Variants in MARK4 observed in about 807,000 individuals in gnomAD.
MARK4 encodes microtubule affinity regulating kinase 4.
In MARK4, 19 loss-of-function variants were observed where a neutral mutation model predicts 81.5. That is an observed-to-expected ratio of 0.23 (90% CI 0.16 to 0.34). The LOEUF (loss-of-function observed/expected upper bound fraction) is 0.34. Ranked by LOEUF, MARK4 falls within the 10% of genes least tolerant of loss-of-function variation. The pLI, the probability that MARK4 is intolerant of heterozygous loss-of-function variation, is 1.00. For missense variants in MARK4, 772 were observed against 1,058.8 expected (o/e 0.73, Z 3.76); for synonymous variants, 436 against 439.0 (o/e 0.99, Z 0.08).
chr19:45,270,701 G>A (rs572979422), intron 7 of MARK4, among the ~76,000 whole-genome samples: 3 of 152,150 alleles, frequency 2.0e-5, no homozygotes, highest in Non-Finnish European at 4.4e-5. Flanking sequence ...CCAGGTTCAA[G>A]CAATTTTTGT....
intron 7 of MARK4, among the ~76,000 whole-genome samples, chr19:45,266,613 C>T (rs1246290224): frequency 2.0e-5 from 3 of 151,924 alleles, no homozygotes; most frequent in Non-Finnish European, 4.4e-5. Flanking sequence ...GCTCTCAGAG[C>T]CTTTGGGACC....
In MARK4 at chr19:45,297,819, G is replaced by C; in HGVS notation, c.1742G>C (p.Gly581Ala). 6.5e-7 allele frequency: 1 copy of C among 1,540,208 alleles called. No individual in the cohort carries two copies. Among genetic ancestry groups the C allele is most frequent in the Non-Finnish European group, 8.8e-7 (1 of 1,141,232 alleles). The change falls in exon 15 of 17, where the codon GGT (glycine) becomes GCT (alanine). Residue 581 changes from glycine to alanine, a missense_variant. Gly to Ala is a moderately conservative substitution (Grantham distance 60). This residue lies in a region of MARK4 where 548 missense variants were observed against 624.3 expected (regional missense o/e 0.88). Coordinates refer to ENST00000262891, the MANE Select transcript of MARK4 (RefSeq NM_001199867.2). Reference protein sequence around the residue: ...GGQVRDRRAGGGGGGGVQNGP... With the variant: ...GGQVRDRRAGAGGGGGVQNGP... ...CAGGTCCGGGACCGGCGGGCAGGGG[G>C]TGGGGGTGGTGGGGGTGTGCAGAAT...
chr19:45,297,896 G>A lies in MARK4; in HGVS notation c.1819G>A (p.Gly607Arg), dbSNP rs376422468. The A allele has an allele frequency of 1.3e-5, 20 of 1,549,780 alleles. No homozygotes were observed. The highest frequency in any genetic ancestry group is 4.8e-5 in the South Asian group (4 of 84,040). ...CCATGAGGCTGCACCCCTGCCCGCC[G>A]GGCGGCCCCGCCCCACCACCAACCT... ...LAHEAAPLPA[G>R]RPRPTTNLFT... The change falls in exon 15 of 17, where the codon GGG (glycine) becomes AGG (arginine). Residue 607 changes from glycine (G) to arginine (R), a missense_variant. Transcript: ENST00000262891.
chr19:45,299,637 A>G (rs1970940516), intron 15 of MARK4, among the ~76,000 whole-genome samples, 174 bp from the exon 16 acceptor site: 1 of 152,108 alleles, frequency 6.6e-6, no homozygotes, highest in African/African-American at 2.4e-5. Context: ...ACCATTTCAG[A>G]ATGAGCCCCG....
intron 12 of MARK4, among the ~76,000 whole-genome samples, chr19:45,281,979 C>G (rs1016974231): frequency 6.6e-6 from 1 of 151,984 alleles, no homozygotes; most frequent in African/African-American, 2.4e-5. Context: ...TCTGTAATCC[C>G]TTGGGAGGCC....
Position 45,302,702 on chromosome 19 carries a change from G to A in MARK4, c.2251G>A (p.Glu751Lys), listed in dbSNP as rs530446825. 8 of 1,536,280 alleles carry A rather than the reference G, an allele frequency of 5.2e-6. No individual in the cohort carries two copies. The highest frequency in any genetic ancestry group is 4.9e-5 in the East Asian group (2 of 40,910). Reference protein sequence around the residue: ...TLVTRISNDLEL With the variant: ...TLVTRISNDLKL Reference sequence around the variant, plus strand: ...CGTCACCCGCATCTCCAACGACCTCGAGCTCTGAGCCACCACGGTCCCAGG... The same window carrying A: ...CGTCACCCGCATCTCCAACGACCTCAAGCTCTGAGCCACCACGGTCCCAGG... Residue 751 changes from glutamate to lysine, a missense_variant, in exon 17 of 17, where the codon GAG (glutamate) becomes AAG (lysine). This residue lies in a region of MARK4 where 548 missense variants were observed against 624.3 expected (regional missense o/e 0.88). Transcript: ENST00000262891. This position sits in a 1 kb window ranked among gnomAD's most constrained non-coding sequence, Gnocchi z 4.9.
intron 12 of MARK4, among the ~76,000 whole-genome samples, chr19:45,286,088 G>A (rs993549087): frequency 4.6e-5 from 7 of 152,022 alleles, no homozygotes; most frequent in African/African-American, 1.2e-4. Context: ...ACGGAGTCTC[G>A]CACTGTTGCC....
intron 8 of MARK4, among the ~76,000 whole-genome samples, chr19:45,277,007 C>T (rs1000775506): frequency 4.6e-5 from 7 of 152,038 alleles, no homozygotes; most frequent in South Asian, 2.1e-4. Context: ...ATCCCTTTCA[C>T]GGATAAGGAG....
intron 12 of MARK4, among the ~76,000 whole-genome samples, chr19:45,282,267 C>T (rs559200701): frequency 6.6e-6 from 1 of 151,588 alleles, no homozygotes; most frequent in African/African-American, 2.4e-5. Flanking sequence ...ACCATCAGCA[C>T]CCATTAGGCA....
intron 12 of MARK4, among the ~76,000 whole-genome samples, chr19:45,286,080 G>A (rs1176439211): frequency 5.9e-5 from 9 of 151,912 alleles, no homozygotes; most frequent in Non-Finnish European, 1.2e-4. Flanking sequence ...GTTTTTTGAC[G>A]GAGTCTCGCA....
intron 4 of MARK4, 27 bp downstream of exon 4, chr19:45,263,394 G>A: frequency 6.2e-7 from 1 of 1,614,034 alleles, no homozygotes; most frequent in South Asian, 1.1e-5. Context: ...AGCAGGGGCA[G>A]GCCACCAACT....
intron 12 of MARK4, among the ~76,000 whole-genome samples, chr19:45,284,223 G>T (rs1970713537): frequency 6.6e-6 from 1 of 151,896 alleles, no homozygotes. Flanking sequence ...GGCCTGGCTG[G>T]TCTTGAATTC....
intron 12 of MARK4, among the ~76,000 whole-genome samples, chr19:45,281,214 C>T (rs892447575): frequency 3.3e-5 from 5 of 151,226 alleles, no homozygotes; most frequent in East Asian, 2.0e-4. Context: ...CATAACCCCC[C>T]GGCTAATTTT....
At chr19:45,269,479 C>A (rs1459330196) in intron 7 of MARK4, among the ~76,000 whole-genome samples, 1 of 152,062 alleles carries the variant, frequency 6.6e-6, no homozygotes, top group Non-Finnish European at 1.5e-5. Context: ...GGGTTTGGGC[C>A]TTTATTGGGG....
At chr19:45,273,305 T>A (rs1970555242) in intron 8 of MARK4, among the ~76,000 whole-genome samples, 1 of 152,202 alleles carries the variant, frequency 6.6e-6, no homozygotes, top group African/African-American at 2.4e-5. Context: ...GCTGCCCTCA[T>A]CGGCATTGAT....
chr19:45,294,411 G>T lies in MARK4; in HGVS notation c.1557G>T (p.Gly519=). The change falls in exon 14 of 17, where the codon GGG becomes GGT. Residue 519 remains glycine, a synonymous_variant. Transcript: ENST00000262891. ...RNTYVCTERP[G]AERPSLLPNG... ...CCTACGTTTGCACAGAACGCCCGGG[G>T]GCTGAGCGCCCGTCACTGTTGCCAA... 6.2e-7 allele frequency: 1 copy of T among 1,614,132 alleles called. No homozygotes were observed.
At chr19:45,275,787 T>C (rs1235829130) in intron 8 of MARK4, among the ~76,000 whole-genome samples, 2 of 152,230 alleles carry the variant, frequency 1.3e-5, no homozygotes, top group Non-Finnish European at 2.9e-5. Flanking sequence ...TTCGCGGCGT[T>C]GTGAAAATGG....
intron 8 of MARK4, among the ~76,000 whole-genome samples, chr19:45,272,992 T>A (rs974603236): frequency 6.6e-6 from 1 of 152,190 alleles, no homozygotes; most frequent in Admixed American, 6.6e-5. Context: ...ACAGTTCCTG[T>A]CTTCCCAGAC....
Position 45,251,351 on chromosome 19 carries a change from C to A in MARK4, c.-238C>A. 1 of 156,098 alleles carries A rather than the reference C, an allele frequency of 6.4e-6. No homozygotes were observed. Among genetic ancestry groups the A allele is most frequent in the South Asian group, 1.8e-4 (1 of 5,586 alleles). The allele number at this position is 156,098 out of a possible 1,614,324, so 9.7% of individuals were successfully genotyped here. A position where few individuals can be genotyped will look rare whatever the true frequency, so the allele number is the denominator to read the frequency against. ...GCCCCCTCCGCGGCCCCCGCCCGCC[C>A]GCCTGCCCGCCGCCCCCATGGCGCC... is the stretch of plus-strand genomic sequence containing the variant. On this transcript the variant is annotated 5_prime_UTR_variant, in exon 1 of 17. Transcript: ENST00000262891.
Sources: gnomAD v4.1 joint callset for allele counts (sites outside exome capture counted in the v4.1 genomes callset) on GRCh38, gnomAD v4.1.1 for gene constraint, gnomAD v4.1.1 regional missense constraint, Gnocchi (gnomAD v3.1) non-coding constraint, MANE v1.5 for transcripts, NCBI Gene and HGNC (gene_info 2026-07-23, HGNC 2026-07-21) for gene names.